The following WDR91 variants were observed in gnomAD, a reference collection of about 807,000 sequenced individuals.
WDR91 encodes WD repeat-containing protein 91.
WDR91 carries 52 observed loss-of-function variants against 88.4 expected under a neutral mutation model. The ratio of observed to expected loss-of-function variants is 0.59; its 90% CI spans 0.47 to 0.74. The LOEUF is 0.74. WDR91 is among the 30% of genes least tolerant of loss of function. The probability of loss-of-function intolerance (pLI) is 0.00; values close to 1 mark genes in which losing one functional copy is unlikely to be tolerated. For missense variants in WDR91, 824 were observed against 954.5 expected (o/e 0.86, Z 1.80); for synonymous variants, 362 against 389.5 (o/e 0.93, Z 0.83).
At position 135,185,868 on chromosome 7, in the gene WDR91, C is replaced by A. The variant is rs1489710142; in HGVS notation, c.*283G>T. 2.4e-6 allele frequency: 1 copy of A among 415,636 alleles called. No individual in the cohort carries two copies. The highest frequency in any genetic ancestry group is 4.2e-6 in the Non-Finnish European group (1 of 236,292). 25.7% of individuals were successfully genotyped at this position (415,636 alleles called of 1,614,324 possible). On this transcript the variant is annotated 3_prime_UTR_variant, in exon 15 of 15. Transcript: ENST00000354475. ...ATTTCTACTGGGCCAACACAGTAGC[C>A]ACTGCAATGTTTCTCCTTCTTCCGG...
intron 9 of WDR91, among the ~76,000 whole-genome samples, chr7:135,194,370 A>G (rs1034197133): frequency 4.6e-5 from 7 of 152,226 alleles, no homozygotes; most frequent in African/African-American, 1.4e-4. Flanking sequence ...GCTGCCAAAA[A>G]TTATAGAAAA....
intron 2 of WDR91, among the ~76,000 whole-genome samples, 171 bp from the exon 3 acceptor site, chr7:135,209,169 A>G (rs535787534): frequency 6.6e-6 from 1 of 150,926 alleles, no homozygotes; most frequent in African/African-American, 2.4e-5. Context: ...GGAACTTGTC[A>G]TTTCAAAGCT....
intron 13 of WDR91, among the ~76,000 whole-genome samples, chr7:135,187,751 C>T (rs1831006554): frequency 6.6e-6 from 1 of 152,174 alleles, no homozygotes; most frequent in African/African-American, 2.4e-5. Context: ...TGGCTGTGAC[C>T]ACCTCTTCAC....
intron 8 of WDR91, among the ~76,000 whole-genome samples, chr7:135,195,434 G>T (rs1383870081): frequency 6.6e-6 from 1 of 152,252 alleles, no homozygotes; most frequent in Non-Finnish European, 1.5e-5. Flanking sequence ...AGCCATCAGG[G>T]CTGTCAAAAC....
intron 6 of WDR91, chr7:135,199,408 G>A (rs1204587718): frequency 6.6e-6 from 1 of 152,214 alleles, no homozygotes; most frequent in Non-Finnish European, 1.5e-5. Context: ...TAACAATTGT[G>A]TATGGGTCCT....
chr7:135,188,090 A>C (rs292563), intron 13 of WDR91, among the ~76,000 whole-genome samples: 105,251 of 151,812 alleles, frequency 0.69, 37,249 homozygotes, highest in Admixed American at 0.81. Context: ...AAGAAGCTGT[A>C]CCCAGCCACT....
chr7:135,211,406 T>G lies in WDR91; in HGVS notation c.97A>C (p.Lys33Gln). ...HTLRQLDAEI[K>Q]ADKEKGFRVD... ...CGGAACCCCTTCTCCTTGTCCGCCT[T>G]GATCTCGGCGTCCAGCTGCCGCAGT... The change falls in exon 1 of 15, where the codon AAG (lysine) becomes CAG (glutamine). Residue 33 changes from lysine to glutamine, a missense_variant. Physicochemically the swap from Lys to Gln is moderately conservative, Grantham distance 53 (BLOSUM62 1). Transcript: ENST00000354475. 1 of 1,611,736 alleles carries G rather than the reference T, an allele frequency of 6.2e-7. No individual in the cohort carries two copies. The highest frequency in any genetic ancestry group is 8.5e-7 in the Non-Finnish European group (1 of 1,179,124).
intron 6 of WDR91, among the ~76,000 whole-genome samples, chr7:135,200,793 A>G (rs750968756): frequency 6.6e-6 from 1 of 152,212 alleles, no homozygotes; most frequent in Admixed American, 6.5e-5. Context: ...GGAGACAGAC[A>G]TAAGTTGATA....
rs202008054 is a variant in WDR91, at chr7:135,188,491, T to C, written c.1823A>G (p.Tyr608Cys). 3 of 1,613,950 alleles carry C rather than the reference T, an allele frequency of 1.9e-6. No homozygotes were observed. Among genetic ancestry groups the C allele is most frequent in the East Asian group, 4.5e-5 (2 of 44,862 alleles). Residue 608 changes from tyrosine (Y) to cysteine (C), a missense_variant, in exon 13 of 15, where the codon TAC becomes TGC. By Grantham distance (194) the Tyr-to-Cys change is radical. Transcript: ENST00000354475. Reference sequence around the variant, plus strand: ...CTCATCATAGCTGAACTCCACAGAGTAGACCTCCCCGTAGTGGGCCCTCCA... The same window carrying C: ...CTCATCATAGCTGAACTCCACAGAGCAGACCTCCCCGTAGTGGGCCCTCCA... The part of the protein sequence containing the change: ...MSWRAHYGEV[Y>C]SVEFSYDENT...
rs559178205 is a variant in WDR91, at chr7:135,211,457, G to A, written c.46C>T (p.Leu16=). The A allele has an allele frequency of 9.9e-6, 16 of 1,612,370 alleles. No individual in the cohort carries two copies. In the South Asian group the frequency reaches 1.3e-4, roughly 13 times the overall value. ...ERTDELVREY[L]LFRGFTHTLR... ...GTGTGCGTGAACCCGCGGAAGAGCAGGTACTCCCGGACCAGCTCGTCAGTG... is the reference window on the plus strand; with the variant it reads ...GTGTGCGTGAACCCGCGGAAGAGCAAGTACTCCCGGACCAGCTCGTCAGTG... Residue 16 remains leucine, a synonymous_variant, in exon 1 of 15, where the codon CTG becomes TTG. Coordinates refer to ENST00000354475, the MANE Select transcript of WDR91 (RefSeq NM_014149.4).
intron 3 of WDR91, among the ~76,000 whole-genome samples, chr7:135,207,515 C>G (rs745372379): frequency 4.6e-5 from 7 of 152,204 alleles, no homozygotes; most frequent in Non-Finnish European, 8.8e-5. Flanking sequence ...GAGCTAGCAT[C>G]CAGTGGACTT....
chr7:135,198,464 T>C (rs916778840), intron 6 of WDR91: 11 of 293,202 alleles, frequency 3.8e-5, no homozygotes, highest in Non-Finnish European at 1.3e-5. Context: ...CAGCACTTAC[T>C]AAGTGATGAC....
At chr7:135,191,366 G>C (rs905072923) in intron 11 of WDR91, among the ~76,000 whole-genome samples, 3 of 152,130 alleles carry the variant, frequency 2.0e-5, no homozygotes, top group African/African-American at 7.2e-5. Context: ...CTAGTACTTT[G>C]GGAAGCCCAG....
At chr7:135,209,419 A>T in intron 2 of WDR91, 157 bp downstream of exon 2, 1 of 686,792 alleles carries the variant, frequency 1.5e-6, no homozygotes, top group Admixed American at 3.9e-5. Flanking sequence ...ACAAGGAAAA[A>T]AAAGAAGAAA....
At position 135,205,935 on chromosome 7, in the gene WDR91, A is replaced by G; in HGVS notation, c.718T>C (p.Ser240Pro). Reference protein sequence around the residue: ...YVSNMDRLGDSELAMVCSQRN... With the variant: ...YVSNMDRLGDPELAMVCSQRN... ...GCCGTCACACACACTCACAGTTCCG[A>G]GTCCCCCAGGCGGTCCATGTTGGAG... Residue 240 changes from serine to proline, a missense_variant, in exon 5 of 15, where the codon TCG (serine) becomes CCG (proline). By Grantham distance (74) the Ser-to-Pro change is moderately conservative (BLOSUM62 -1). Coordinates refer to ENST00000354475, the MANE Select transcript of WDR91 (RefSeq NM_014149.4). 6.2e-7 allele frequency: 1 copy of G among 1,613,498 alleles called. No homozygotes were observed. The highest frequency in any genetic ancestry group is 8.5e-7 in the Non-Finnish European group (1 of 1,180,018).
intron 11 of WDR91, 122 bp downstream of exon 11, chr7:135,193,109 C>G (rs764538709): frequency 6.3e-5 from 89 of 1,423,990 alleles, no homozygotes; most frequent in Non-Finnish European, 8.2e-5. Context: ...CTTTTCAACA[C>G]TCAAAACTTT....
At chr7:135,186,411 C>T in intron 14 of WDR91, 96 bp from the exon 15 acceptor site, 1 of 1,322,342 alleles carries the variant, frequency 7.6e-7, no homozygotes. Context: ...GTGCCTGAGG[C>T]CAGACACACA....
Position 135,204,384 on chromosome 7 carries a change from C to T in WDR91, c.775G>A (p.Val259Met), listed in dbSNP as rs766009149. Reference sequence around the variant, plus strand: ...GGCAGCAGCGAGGACAGGAAGCCCACACGAGGTGACTGGGAGAGGGAGGCA... The same window carrying T: ...GGCAGCAGCGAGGACAGGAAGCCCATACGAGGTGACTGGGAGAGGGAGGCA... ...RNASLSQSPR[V>M]GFLSSLLPQS... Residue 259 changes from valine (V) to methionine (M), a missense_variant, in exon 6 of 15, where the codon GTG becomes ATG. Coordinates refer to ENST00000354475, the MANE Select transcript of WDR91 (RefSeq NM_014149.4). The T allele has an allele frequency of 1.9e-6, 3 of 1,614,194 alleles. No homozygotes were observed. In the South Asian group the frequency reaches 3.3e-5, roughly 18 times the overall value.
In WDR91 at chr7:135,193,588, TGTC is replaced by T. The variant is rs1562948586; in HGVS notation, c.1477_1479del (p.Asp493del). 1 of 1,614,172 alleles carries T rather than the reference TGTC, an allele frequency of 6.2e-7. No homozygotes were observed. Among genetic ancestry groups the T allele is most frequent in the Non-Finnish European group, 8.5e-7 (1 of 1,180,014 alleles). On this transcript the variant is annotated inframe_deletion, in exon 10 of 15. Transcript: ENST00000354475. ...TAGGTTCCAGTTCACCTGGGCATGT[TGTC>T]GTTGATATTGATTTCACAGAGATTC...
Sources: allele counts gnomAD v4.1 joint callset (sites outside exome capture counted in the v4.1 genomes callset), GRCh38; gene constraint gnomAD v4.1.1; transcripts MANE v1.5; gene names NCBI Gene and HGNC (gene_info 2026-07-23, HGNC 2026-07-21).